MAGI1: variants seen among roughly 807,000 people sequenced by gnomAD.
MAGI1 encodes membrane-associated guanylate kinase, WW and PDZ domain-containing protein 1.
In MAGI1, 58 loss-of-function variants were observed where a neutral mutation model predicts 139.9. The ratio of observed to expected loss-of-function variants is 0.41; its 90% confidence interval spans 0.34 to 0.52. MAGI1 has a LOEUF of 0.52. MAGI1 is among the 20% of genes least tolerant of loss of function. The pLI is 0.12. For synonymous variants in MAGI1, 812 were observed against 737.9 expected (o/e 1.10, Z -1.63); for missense variants, 1,874 against 1,901.6 (o/e 0.99, Z 0.27).
At chr3:65,848,815 T>C (rs1415513963) in intron 1 of MAGI1, among the ~76,000 whole-genome samples, 1 of 151,906 alleles carries the variant, frequency 6.6e-6, no homozygotes, top group Admixed American at 6.6e-5. Flanking sequence ...CTTCCTGCCA[T>C]AGTACACACC....
At chr3:65,448,873 T>A (rs1948841266) in intron 6 of MAGI1, among the ~76,000 whole-genome samples, 1 of 151,964 alleles carries the variant, frequency 6.6e-6, no homozygotes, top group African/African-American at 2.4e-5. Flanking sequence ...GAAGAAAACA[T>A]GGGAGAACAC....
At chr3:65,958,603 C>T (rs905841531) in intron 1 of MAGI1, among the ~76,000 whole-genome samples, 1 of 152,162 alleles carries the variant, frequency 6.6e-6, no homozygotes, top group Admixed American at 6.5e-5. Context: ...GACTTAACTT[C>T]CAAAAGTCGT....
chr3:65,982,870 A>T (rs1385442685), intron 1 of MAGI1, among the ~76,000 whole-genome samples: 1 of 152,170 alleles, frequency 6.6e-6, no homozygotes, highest in Non-Finnish European at 1.5e-5. Context: ...TACTTCAAAA[A>T]ATATATATTT....
At chr3:65,807,091 T>C (rs2040908166) in intron 1 of MAGI1, among the ~76,000 whole-genome samples, 1 of 152,212 alleles carries the variant, frequency 6.6e-6, no homozygotes, top group Admixed American at 6.5e-5. Flanking sequence ...TTCCACATTT[T>C]ATAGTAAAGA....
chr3:65,851,894 T>C (rs188603693), intron 1 of MAGI1, among the ~76,000 whole-genome samples: 31 of 152,324 alleles, frequency 2.0e-4, no homozygotes, highest in East Asian at 7.7e-4. Flanking sequence ...TTTTAGAACA[T>C]ATGCATCATA....
chr3:65,710,957 C>T (rs971690650), intron 1 of MAGI1, among the ~76,000 whole-genome samples: 1 of 152,172 alleles, frequency 6.6e-6, no homozygotes, highest in Non-Finnish European at 1.5e-5. Flanking sequence ...TAAATATAGA[C>T]CTTCAACTGT....
intron 1 of MAGI1, among the ~76,000 whole-genome samples, chr3:65,685,076 A>G (rs1187960906): frequency 4.0e-5 from 6 of 151,734 alleles, no homozygotes; most frequent in African/African-American, 1.5e-4. Context: ...GTTTTCGGAA[A>G]TTATACCACT....
In MAGI1 at chr3:65,355,457, A is replaced by C. The variant is rs1397421167; in HGVS notation, c.*921T>G. On this transcript the variant is annotated 3_prime_UTR_variant, in exon 23 of 23. Transcript: ENST00000402939. ...AAAAGGGAGGGGGGCATGCTTTCCA[A>C]ATTGGGGATCTTACGTCTTCCTCAC... 6.6e-6 allele frequency: 1 copy of C among 152,212 alleles called. No individual in the cohort carries two copies. Among genetic ancestry groups the C allele is most frequent in the African/African-American group, 2.4e-5 (1 of 41,420 alleles). The allele number at this position is 152,212 out of a possible 1,614,324, so 9.4% of individuals were successfully genotyped here. A position where few individuals can be genotyped will look rare whatever the true frequency, so the allele number is the denominator to read the frequency against.
At chr3:65,478,939 G>A in intron 3 of MAGI1, 141 bp from the exon 4 acceptor site, 1 of 663,210 alleles carries the variant, frequency 1.5e-6, no homozygotes, top group Non-Finnish European at 2.6e-6. Context: ...TATTTCTGGA[G>A]TGGGTTAGAA....
chr3:65,580,675 T>TA lies in MAGI1; in HGVS notation c.430+41296dup, dbSNP rs1004026557. ...GCATGAATAAAGAAGTGAAGGACAA[T>TA]AAAAAAAAATATGTGGCAGATACCA... On this transcript the variant is annotated intron_variant, in intron 2 of 22. Coordinates refer to ENST00000402939, the MANE Select transcript of MAGI1 (RefSeq NM_001033057.2). Among the ~76,000 whole-genome samples, 21 of 151,376 alleles carry TA rather than the reference T, an allele frequency of 1.4e-4. No homozygotes were observed. In the East Asian group the frequency reaches 1.7e-3, roughly 13 times the overall value.
intron 1 of MAGI1, among the ~76,000 whole-genome samples, chr3:65,849,001 CTTTTTTTTTTTTTTTTTTTTTTTT>C (rs558270441): frequency 2.5e-4 from 10 of 39,644 alleles, no homozygotes; most frequent in South Asian, 2.6e-3. Flanking sequence ...TCAGAGCATT[CTTTTTTTTTTTTTTTTTTTTTTTT>C]TTTTTTTTTT....
intron 1 of MAGI1, among the ~76,000 whole-genome samples, chr3:65,700,437 G>A (rs1432167058): frequency 2.6e-5 from 4 of 151,594 alleles, no homozygotes; most frequent in East Asian, 3.9e-4. Context: ...GCTACAGAGC[G>A]AGACTCCATC....
chr3:65,601,607 T>C (rs1472605345), intron 2 of MAGI1, among the ~76,000 whole-genome samples: 1 of 152,106 alleles, frequency 6.6e-6, no homozygotes, highest in Non-Finnish European at 1.5e-5. Context: ...GACCCCCACC[T>C]CCACACCAAA....
At chr3:65,708,566 G>A (rs1403403994) in intron 1 of MAGI1, among the ~76,000 whole-genome samples, 2 of 152,050 alleles carry the variant, frequency 1.3e-5, no homozygotes, top group Non-Finnish European at 2.9e-5. Context: ...TAAGGCTTGG[G>A]GGCAGTCAGG....
intron 1 of MAGI1, among the ~76,000 whole-genome samples, chr3:65,934,207 T>A (rs1206658250): frequency 1.3e-5 from 2 of 151,898 alleles, no homozygotes; most frequent in Non-Finnish European, 2.9e-5. Flanking sequence ...ACAAGAATAA[T>A]TAGAGGGTAA....
chr3:65,360,021 A>G (rs1176938274), intron 22 of MAGI1: 1 of 985,258 alleles, frequency 1.0e-6, no homozygotes, highest in African/African-American at 1.7e-5. Context: ...GTGGTTGGCC[A>G]TGTCTATAGG....
chr3:65,842,925 C>T (rs1200544061), intron 1 of MAGI1, among the ~76,000 whole-genome samples: 1 of 152,088 alleles, frequency 6.6e-6, no homozygotes, highest in Admixed American at 6.6e-5. Flanking sequence ...TTACACTTTT[C>T]CCTGTCTCCT....
At chr3:65,482,747 G>A (rs773249361) in intron 3 of MAGI1, among the ~76,000 whole-genome samples, 2 of 152,092 alleles carry the variant, frequency 1.3e-5, no homozygotes, top group Non-Finnish European at 1.5e-5. Flanking sequence ...ACTTTCATAC[G>A]CCACTGTTTC....
At chr3:65,963,439 A>G (rs1211005018) in intron 1 of MAGI1, among the ~76,000 whole-genome samples, 1 of 152,070 alleles carries the variant, frequency 6.6e-6, no homozygotes, top group Non-Finnish European at 1.5e-5. Context: ...AACATGGTGA[A>G]ACCCCGTCTC....
Sources: allele counts gnomAD v4.1 joint callset (sites outside exome capture counted in the v4.1 genomes callset), GRCh38; gene constraint gnomAD v4.1.1; transcripts MANE v1.5; gene names NCBI Gene and HGNC (gene_info 2026-07-23, HGNC 2026-07-21).